The following CAMK2A variants were observed in gnomAD, a reference collection of about 807,000 sequenced individuals.
The protein encoded by CAMK2A is calcium/calmodulin-dependent protein kinase type II subunit alpha.
In CAMK2A, 7 loss-of-function variants were observed where a neutral mutation model predicts 79.2. That is an observed-to-expected ratio of 0.09 (90% CI 0.05 to 0.17). The LOEUF (loss-of-function observed/expected upper bound fraction) is 0.17. CAMK2A is among the 10% of genes least tolerant of loss of function. The probability of loss-of-function intolerance (pLI) is 1.00; values close to 1 mark genes in which losing one functional copy is unlikely to be tolerated. For missense variants in CAMK2A, 214 were observed against 646.4 expected (o/e 0.33, Z 7.25); for synonymous variants, 242 against 251.7 (o/e 0.96, Z 0.36).
intron 1 of CAMK2A, among the ~76,000 whole-genome samples, chr5:150,278,750 G>A (rs1021931870): frequency 6.6e-6 from 1 of 152,112 alleles, no homozygotes; most frequent in Admixed American, 6.5e-5. Flanking sequence ...GGTGGGGGAA[G>A]TGTTCCTGGG....
chr5:150,233,009 C>A (rs1754910156), intron 15 of CAMK2A, among the ~76,000 whole-genome samples: 1 of 152,246 alleles, frequency 6.6e-6, no homozygotes, highest in Non-Finnish European at 1.5e-5. Context: ...TCTGTCCTAA[C>A]ACTAACCTCA....
chr5:150,276,940 A>G (rs991941273), intron 1 of CAMK2A, among the ~76,000 whole-genome samples: 1 of 152,176 alleles, frequency 6.6e-6, no homozygotes, highest in Admixed American at 6.5e-5. Context: ...TTTAAAAAAA[A>G]AGATTCTGGC....
chr5:150,260,581 C>T (rs906288028), intron 3 of CAMK2A, among the ~76,000 whole-genome samples: 2 of 152,196 alleles, frequency 1.3e-5, no homozygotes, highest in African/African-American at 2.4e-5. Context: ...CCAAACCCCA[C>T]GTGCTGGAGT....
chr5:150,250,344 G>A, intron 10 of CAMK2A, 35 bp from the exon 11 acceptor site: 1 of 1,581,756 alleles, frequency 6.3e-7, no homozygotes, highest in Non-Finnish European at 8.7e-7. Flanking sequence ...GTGAGTGGAA[G>A]GCAGGCTGGA....
At chr5:150,253,772 C>T (rs1239898965) in intron 6 of CAMK2A, among the ~76,000 whole-genome samples, 1 of 152,232 alleles carries the variant, frequency 6.6e-6, no homozygotes, top group Admixed American at 6.5e-5. Flanking sequence ...AAGGCCCTTT[C>T]TCCATCAGCC....
At chr5:150,286,051 A>G (rs754722706) in intron 1 of CAMK2A, among the ~76,000 whole-genome samples, 1 of 152,068 alleles carries the variant, frequency 6.6e-6, no homozygotes, top group Non-Finnish European at 1.5e-5. Context: ...GTATGCTGGG[A>G]GCTCTGGCCT....
Position 150,222,173 on chromosome 5 carries a change from A to C in CAMK2A, c.*537T>G, listed in dbSNP as rs908589603. 1.7e-5 allele frequency: 6 copies of C among 350,502 alleles called. No homozygotes were observed. Among genetic ancestry groups the C allele is most frequent in the Non-Finnish European group, 2.7e-5 (5 of 184,192 alleles). 21.7% of individuals were successfully genotyped at this position (350,502 alleles called of 1,614,324 possible). ...GGTCAGCACAGGAGGAAGAAGACTT[A>C]GGGGAGCACTTTGAGGCAGGAGGCT... On this transcript the variant is annotated 3_prime_UTR_variant, in exon 19 of 19. Transcript: ENST00000671881.
Position 150,284,565 on chromosome 5 carries a change from G to A in CAMK2A, c.62+4999C>T, listed in dbSNP as rs537188256. Among the ~76,000 whole-genome samples the A allele has an allele frequency of 4.0e-4, 61 of 152,274 alleles. No individual in the cohort carries two copies. The highest frequency in any genetic ancestry group is 7.6e-4 in the Non-Finnish European group (52 of 68,006). Reference sequence around the variant, plus strand: ...TCAGCCTGTGTGGGGGCGGCTGCGCGGGGGCGGAGGGCTGCAGCGTGCACC... The same window carrying A: ...TCAGCCTGTGTGGGGGCGGCTGCGCAGGGGCGGAGGGCTGCAGCGTGCACC... On this transcript the variant is annotated intron_variant, in intron 1 of 18. Coordinates refer to ENST00000671881, the MANE Select transcript of CAMK2A (RefSeq NM_015981.4). This position sits in a 1 kb window ranked among gnomAD's most constrained non-coding sequence, Gnocchi z 5.3.
In CAMK2A at chr5:150,239,780, G is replaced by A. The variant is rs758143061; in HGVS notation, c.985-44C>T. The A allele has an allele frequency of 1.3e-5, 20 of 1,573,030 alleles. No individual in the cohort carries two copies. The Admixed American group carries it at 1.3e-4, about 10-fold the overall frequency. On this transcript the variant is annotated intron_variant, in intron 13 of 18. Transcript: ENST00000671881. ...GAGATGGGACAGGAAAAGACACAGC[G>A]TGAAAACGGCAGGGAGCAGAGGAAC...
In CAMK2A at chr5:150,222,586, G is replaced by C. The variant is rs1449251355; in HGVS notation, c.*124C>G. ...GTTTTCTTGATGCAGGTACAGAAGT[G>C]ACGGTGGTGGGGTGATGACATGGGA... On this transcript the variant is annotated 3_prime_UTR_variant, in exon 19 of 19. Coordinates refer to ENST00000671881, the MANE Select transcript of CAMK2A (RefSeq NM_015981.4). 1 of 1,054,120 alleles carries C rather than the reference G, an allele frequency of 9.5e-7. No homozygotes were observed. The highest frequency in any genetic ancestry group is 1.5e-6 in the Non-Finnish European group (1 of 681,360). 65.3% of individuals were successfully genotyped at this position (1,054,120 alleles called of 1,614,324 possible).
chr5:150,266,335 C>T (rs755244611), intron 2 of CAMK2A, among the ~76,000 whole-genome samples: 1 of 152,194 alleles, frequency 6.6e-6, no homozygotes, highest in Admixed American at 6.5e-5. Flanking sequence ...AAGGAAACTG[C>T]AGCCTGAACA....
chr5:150,225,590 C>T (rs1203854973), intron 17 of CAMK2A, among the ~76,000 whole-genome samples: 2 of 152,160 alleles, frequency 1.3e-5, no homozygotes, highest in Non-Finnish European at 2.9e-5. Flanking sequence ...CTGGTCCCTG[C>T]TTTGTGGGGA....
intron 15 of CAMK2A, among the ~76,000 whole-genome samples, chr5:150,234,174 GTGCTCC>G (rs1159732178): frequency 6.6e-6 from 1 of 152,120 alleles, no homozygotes; most frequent in Non-Finnish European, 1.5e-5. Context: ...GCAAACCCAC[GTGCTCC>G]TGATGTGAGA....
chr5:150,267,881 T>C (rs893619542), intron 2 of CAMK2A, among the ~76,000 whole-genome samples: 1 of 151,002 alleles, frequency 6.6e-6, no homozygotes, highest in African/African-American at 2.4e-5. Context: ...GAGCTTTTTT[T>C]TTTTTTTTTT....
chr5:150,240,490 C>T (rs1187928603), intron 13 of CAMK2A, among the ~76,000 whole-genome samples: 1 of 152,162 alleles, frequency 6.6e-6, no homozygotes, highest in Non-Finnish European at 1.5e-5. Context: ...GTCTTTTGGC[C>T]CTGCCATTCA....
intron 17 of CAMK2A, among the ~76,000 whole-genome samples, 172 bp downstream of exon 17, chr5:150,228,020 C>T (rs115695646): frequency 6.6e-6 from 1 of 152,230 alleles, no homozygotes; most frequent in Non-Finnish European, 1.5e-5. Flanking sequence ...AGTTGATGGG[C>T]CAGGGTTAGG....
rs1190023401 is a variant in CAMK2A at position 150,284,109 on chromosome 5, T to C, written c.62+5455A>G. ...AAGAGAATGCCACAGGTGGTTCACA[T>C]GCAGAAGGGGACTGCAGCAAAGAGG... On this transcript the variant is annotated intron_variant, in intron 1 of 18. Transcript: ENST00000671881. The surrounding 1 kb of genome is among the most constrained non-coding windows in gnomAD (Gnocchi z 5.3). Among the ~76,000 whole-genome samples, 4 of 152,020 alleles carry C rather than the reference T, an allele frequency of 2.6e-5. No homozygotes were observed. Among genetic ancestry groups the C allele is most frequent in the African/African-American group, 9.7e-5 (4 of 41,372 alleles).
rs1268030728 is a variant in CAMK2A, at chr5:150,263,525, T to G, written c.217+1431A>C. Among the ~76,000 whole-genome samples the G allele has an allele frequency of 4.7e-5, 7 of 148,192 alleles. No homozygotes were observed. In the South Asian group the frequency reaches 8.6e-4, roughly 18 times the overall value. On this transcript the variant is annotated intron_variant, in intron 3 of 18. Transcript: ENST00000671881. ...CACATACACACATTCACACACACAC[T>G]TACACAGACACACATTCACACACAC...
At chr5:150,229,911 C>T (rs1443884765) in intron 16 of CAMK2A, among the ~76,000 whole-genome samples, 2 of 152,204 alleles carry the variant, frequency 1.3e-5, no homozygotes, top group African/African-American at 4.8e-5. Context: ...GTACACATCA[C>T]CCTCAGTTCC....
Sources: allele counts gnomAD v4.1 joint callset (sites outside exome capture counted in the v4.1 genomes callset), GRCh38; gene constraint gnomAD v4.1.1; non-coding constraint Gnocchi (gnomAD v3.1); transcripts MANE v1.5; gene names NCBI Gene and HGNC (gene_info 2026-07-23, HGNC 2026-07-21).